The following GMCL1 variants were observed in gnomAD, a reference collection of about 807,000 sequenced individuals.
The protein encoded by GMCL1 is germ cell-less 1, spermatogenesis associated.
Under a neutral mutation model 75.5 loss-of-function variants are expected in GMCL1, and 54 were observed. The observed-to-expected ratio is 0.71, with a 90% CI of 0.57 to 0.90. The LOEUF (loss-of-function observed/expected upper bound fraction) is 0.90, where lower values mean the gene tolerates loss of function less well. Ranked by LOEUF, GMCL1 falls within the 40% of genes least tolerant of loss-of-function variation. The probability of loss-of-function intolerance (pLI) is 0.00; values close to 1 mark genes in which losing one functional copy is unlikely to be tolerated. For missense variants in GMCL1, 537 were observed against 622.7 expected (o/e 0.86, Z 1.47); for synonymous variants, 210 against 209.6 (o/e 1.00, Z -0.02).
At chr2:69,866,550 C>G (rs990917742) in intron 11 of GMCL1, among the ~76,000 whole-genome samples, 1 of 152,142 alleles carries the variant, frequency 6.6e-6, no homozygotes, top group African/African-American at 2.4e-5. Flanking sequence ...CTCACTGCAG[C>G]CTCAATGCTC....
intron 13 of GMCL1, 99 bp downstream of exon 13, chr2:69,871,931 T>C (rs1441548984): frequency 2.6e-6 from 2 of 777,640 alleles, no homozygotes; most frequent in Non-Finnish European, 4.1e-6. Context: ...TGATGGCATT[T>C]TGACCTAAAA....
intron 11 of GMCL1, among the ~76,000 whole-genome samples, chr2:69,866,747 G>A (rs1456780279): frequency 6.6e-6 from 1 of 152,114 alleles, no homozygotes; most frequent in Non-Finnish European, 1.5e-5. Context: ...TTATAGGCAT[G>A]AGCCACCACA....
At chr2:69,847,881 T>C (rs1435124415) in intron 7 of GMCL1, among the ~76,000 whole-genome samples, 1 of 152,222 alleles carries the variant, frequency 6.6e-6, no homozygotes, top group East Asian at 1.9e-4. Flanking sequence ...ACAAAAAATA[T>C]GTTATTGCTA....
chr2:69,830,222 C>A, intron 1 of GMCL1, 70 bp downstream of exon 1: 1 of 1,485,150 alleles, frequency 6.7e-7, no homozygotes, highest in South Asian at 1.3e-5. Flanking sequence ...GCCGGCGCCT[C>A]GTGCGCTTGC....
intron 5 of GMCL1, 93 bp downstream of exon 5, chr2:69,843,354 G>A (rs1021467518): frequency 4.8e-6 from 3 of 624,914 alleles, no homozygotes; most frequent in Middle Eastern, 2.7e-4. Flanking sequence ...AAGAAAGAAA[G>A]AATTAAGGAA....
intron 9 of GMCL1, among the ~76,000 whole-genome samples, chr2:69,859,742 T>TAAAAAAAAAAAAAAGAAAA (rs1675585989): frequency 1.3e-5 from 1 of 79,136 alleles, no homozygotes; most frequent in Non-Finnish European, 2.3e-5. Flanking sequence ...TCTCTCTCTC[T>TAAAAAAAAAAAAAAGAAAA]AAAAAAAAAA....
rs962166955 is a variant in GMCL1, at chr2:69,830,145, C to G, written c.253C>G (p.Pro85Ala). The change falls in exon 1 of 14, where the codon CCT becomes GCT. Residue 85 changes from proline to alanine, a missense_variant. By Grantham distance (27) the Pro-to-Ala change is conservative. Around this residue, in one of 3 missense-constraint regions of GMCL1, gnomAD observed 144 missense variants for 127.2 expected, o/e 1.13. Transcript: ENST00000282570. ...GDEQQRLLNT[P>A]RRKKLKSTSK... Reference sequence around the variant, plus strand: ...CGAGCAGCAGCGGCTCCTCAACACCCCTCGAAGGTACGTGGGGGCACGCAC... The same window carrying G: ...CGAGCAGCAGCGGCTCCTCAACACCGCTCGAAGGTACGTGGGGGCACGCAC... The G allele has an allele frequency of 9.0e-6, 14 of 1,563,456 alleles. No individual in the cohort carries two copies. Among genetic ancestry groups the G allele is most frequent in the Non-Finnish European group, 1.2e-5 (14 of 1,153,722 alleles).
At chr2:69,853,294 C>A (rs956897125) in intron 8 of GMCL1, among the ~76,000 whole-genome samples, 29 of 152,156 alleles carry the variant, frequency 1.9e-4, no homozygotes, top group African/African-American at 6.3e-4. Context: ...CTGTCACACA[C>A]CTGTTGTATA....
chr2:69,849,254 C>T (rs564427837), intron 7 of GMCL1, among the ~76,000 whole-genome samples: 31 of 152,050 alleles, frequency 2.0e-4, no homozygotes, highest in Non-Finnish European at 4.3e-4. Context: ...CACTGCACCT[C>T]GACCTCTAGG....
Position 69,829,898 on chromosome 2 carries a change from A to G in GMCL1, c.6A>G (p.Gly2=). 6.3e-7 allele frequency: 1 copy of G among 1,598,912 alleles called. No homozygotes were observed. Among genetic ancestry groups the G allele is most frequent in the Non-Finnish European group, 8.5e-7 (1 of 1,172,754 alleles). The change falls in exon 1 of 14, where the codon GGA becomes GGG. Residue 2 remains glycine, a synonymous_variant. Transcript: ENST00000282570. The stretch of plus-strand genomic sequence containing the variant: ...GTCTCGGGGAGCCGTGACCCATGGG[A>G]TCGTTGAGCAGCCGGGTGCTGCGCC... M[G]SLSSRVLRQP...
At chr2:69,868,196 T>TA (rs1052299710) in intron 11 of GMCL1, among the ~76,000 whole-genome samples, 7 of 151,574 alleles carry the variant, frequency 4.6e-5, no homozygotes, top group African/African-American at 1.2e-4. Context: ...ACCCAGGAGT[T>TA]AGAGTTCAGC....
chr2:69,835,204 C>G (rs1674784289), intron 1 of GMCL1, among the ~76,000 whole-genome samples: 1 of 152,020 alleles, frequency 6.6e-6, no homozygotes, highest in South Asian at 2.1e-4. Flanking sequence ...GATCACCCAA[C>G]ATGAGGAAGA....
rs1558556025 is a variant in GMCL1 at position 69,879,591 on chromosome 2, C to G, written c.*587C>G. The G allele has an allele frequency of 6.6e-6, 1 of 151,960 alleles. No individual in the cohort carries two copies. 9.4% of individuals were successfully genotyped at this position (151,960 alleles called of 1,614,324 possible). A position where few individuals can be genotyped will look rare whatever the true frequency, so the allele number is the denominator to read the frequency against. ...TTTTTAATCATTAAATATTTTCTTC[C>G]TGGTTTTGGAGACTAAGCTGATAAA... On this transcript the variant is annotated 3_prime_UTR_variant, in exon 14 of 14. Coordinates refer to ENST00000282570, the MANE Select transcript of GMCL1 (RefSeq NM_178439.5).
chr2:69,853,872 A>C (rs908485410), intron 8 of GMCL1, among the ~76,000 whole-genome samples: 4 of 152,034 alleles, frequency 2.6e-5, no homozygotes, highest in Non-Finnish European at 5.9e-5. Context: ...GCGCAATCTC[A>C]GCTCACTGCA....
At chr2:69,848,720 C>T (rs968688007) in intron 7 of GMCL1, among the ~76,000 whole-genome samples, 17 of 152,262 alleles carry the variant, frequency 1.1e-4, no homozygotes, top group Admixed American at 5.2e-4. Flanking sequence ...AGTACTAATA[C>T]TTACAGGATG....
intron 10 of GMCL1, 120 bp downstream of exon 10, chr2:69,861,467 C>T (rs1362428708): frequency 2.3e-5 from 13 of 560,214 alleles, no homozygotes; most frequent in Non-Finnish European, 4.1e-5. Context: ...AAGTAAAGAT[C>T]ATATAATCAC....
chr2:69,859,759 G>T (rs867347708), intron 9 of GMCL1, among the ~76,000 whole-genome samples: 10 of 69,464 alleles, frequency 1.4e-4, no homozygotes, highest in East Asian at 1.1e-3. Flanking sequence ...AAAAAAAAAA[G>T]TATATATGGG....
In GMCL1 at chr2:69,843,999, T is replaced by G. The variant is rs1179407646; in HGVS notation, c.693-132T>G. On this transcript the variant is annotated intron_variant, in intron 5 of 13. Coordinates refer to ENST00000282570, the MANE Select transcript of GMCL1 (RefSeq NM_178439.5). ...TCCACTGACAAAAATAATACTAAATTTCCTATTGTTAAGCTAAAAGTTTTG... is the reference window on the plus strand; with the variant it reads ...TCCACTGACAAAAATAATACTAAATGTCCTATTGTTAAGCTAAAAGTTTTG... The G allele has an allele frequency of 6.6e-6, 3 of 457,682 alleles. No homozygotes were observed. In the East Asian group the frequency reaches 1.1e-4, roughly 16 times the overall value. 28.4% of individuals were successfully genotyped at this position (457,682 alleles called of 1,614,324 possible). A position where few individuals can be genotyped will look rare whatever the true frequency, so the allele number is the denominator to read the frequency against.
chr2:69,851,777 A>T (rs948688279), intron 8 of GMCL1, among the ~76,000 whole-genome samples: 1 of 152,172 alleles, frequency 6.6e-6, no homozygotes, highest in Non-Finnish European at 1.5e-5. Context: ...AAAGGAAAAA[A>T]AATGTCTTTT....
Sources: gnomAD v4.1 joint callset for allele counts (sites outside exome capture counted in the v4.1 genomes callset) on GRCh38, gnomAD v4.1.1 for gene constraint, gnomAD v4.1.1 regional missense constraint, MANE v1.5 for transcripts, NCBI Gene and HGNC (gene_info 2026-07-23, HGNC 2026-07-21) for gene names.